Variants in DNAH5 observed in about 807,000 individuals in gnomAD.
DNAH5 encodes axonemal beta dynein heavy chain 5.
In DNAH5, 372 loss-of-function variants were observed where a neutral mutation model predicts 518.2. The ratio of observed to expected loss-of-function variants is 0.72; its 90% CI spans 0.66 to 0.78. DNAH5 has a LOEUF of 0.78. Ranked by LOEUF, DNAH5 falls within the 30% of genes least tolerant of loss-of-function variation. DNAH5 has a pLI of 0.00. For synonymous variants in DNAH5, 2,039 were observed against 2,025.9 expected, an observed-to-expected ratio of 1.01 and a Z score of -0.17; for missense variants, 5,523 against 5,687.0, an observed-to-expected ratio of 0.97 and a Z score of 0.93.
chr5:13,742,050 G>A (rs1748631863), intron 65 of DNAH5, among the ~76,000 whole-genome samples: 4 of 152,076 alleles, frequency 2.6e-5, no homozygotes, highest in Admixed American at 1.3e-4. Flanking sequence ...GCATGATAAT[G>A]CTTATTGTAA....
At chr5:13,905,383 C>T (rs1775162615) in intron 12 of DNAH5, among the ~76,000 whole-genome samples, 1 of 152,232 alleles carries the variant, frequency 6.6e-6, no homozygotes, top group South Asian at 2.1e-4. Flanking sequence ...CTCAAGCTCT[C>T]TTGCTCTTCA....
At chr5:13,925,815 A>G (rs1394041818) in intron 3 of DNAH5, among the ~76,000 whole-genome samples, 1 of 152,166 alleles carries the variant, frequency 6.6e-6, no homozygotes, top group Non-Finnish European at 1.5e-5. Context: ...GTGAGGTTAT[A>G]AAGTGTTCCT....
At chr5:13,774,289 G>A (rs969657724) in intron 55 of DNAH5, among the ~76,000 whole-genome samples, 13 of 152,082 alleles carry the variant, frequency 8.5e-5, no homozygotes, top group African/African-American at 3.1e-4. Flanking sequence ...GAGAAAAGGG[G>A]AGGTGTTGAT....
At chr5:13,800,423 G>T (rs892896471) in intron 47 of DNAH5, among the ~76,000 whole-genome samples, 1 of 152,106 alleles carries the variant, frequency 6.6e-6, no homozygotes, top group Non-Finnish European at 1.5e-5. Context: ...GCACCCCTTT[G>T]GGGTGCTCAA....
intron 1 of DNAH5, among the ~76,000 whole-genome samples, chr5:13,938,645 G>A (rs1278224112): frequency 6.6e-6 from 1 of 152,026 alleles, no homozygotes; most frequent in Non-Finnish European, 1.5e-5. Flanking sequence ...CTGGCATTCA[G>A]TGGGGGTCTT....
intron 47 of DNAH5, among the ~76,000 whole-genome samples, chr5:13,805,994 T>G (rs1267647750): frequency 6.6e-6 from 1 of 151,964 alleles, no homozygotes; most frequent in Non-Finnish European, 1.5e-5. Context: ...GCCTAAAGAG[T>G]TCATACAGTC....
At chr5:13,912,719 C>T (rs996919657) in intron 11 of DNAH5, among the ~76,000 whole-genome samples, 4 of 151,356 alleles carry the variant, frequency 2.6e-5, no homozygotes, top group African/African-American at 9.7e-5. Flanking sequence ...AAAGCTACTA[C>T]ATTTTGATGT....
chr5:13,724,906 C>A (rs1036909658), intron 70 of DNAH5, among the ~76,000 whole-genome samples: 3 of 152,220 alleles, frequency 2.0e-5, no homozygotes, highest in Non-Finnish European at 4.4e-5. Flanking sequence ...ACCTGCAGAA[C>A]CATGAGCCAA....
Position 13,756,460 on chromosome 5 carries a change from A to C in DNAH5, c.10420-2122T>G, listed in dbSNP as rs537774850. On this transcript the variant is annotated intron_variant, in intron 61 of 78. Transcript: ENST00000265104. ...ACCTAACAAATAGCAGATGCTCAAAAACAATAAAGCTTGCTGAATGAGTTA... is the reference window on the plus strand; with the variant it reads ...ACCTAACAAATAGCAGATGCTCAAACACAATAAAGCTTGCTGAATGAGTTA... Among the ~76,000 whole-genome samples the C allele has an allele frequency of 2.2e-4, 33 of 152,328 alleles. No homozygotes were observed. The South Asian group carries it at 6.8e-3, about 32-fold the overall frequency.
At position 13,751,183 on chromosome 5, in the gene DNAH5, G is replaced by A. The variant is rs1750160751; in HGVS notation, c.11106C>T (p.Ala3702=). ...LYITTKLPNP[A]YTPEISARTS... ...TACGGGCACTTATCTCAGGGGTGTA[G>A]GCTGGGTTAGGCAATTTGGTGGTAA... The change falls in exon 65 of 79, where the codon GCC becomes GCT. Residue 3702 remains alanine (A), a synonymous_variant. Coordinates refer to ENST00000265104, the MANE Select transcript of DNAH5 (RefSeq NM_001369.3). 6.2e-7 allele frequency: 1 copy of A among 1,613,842 alleles called. No homozygotes were observed. The highest frequency in any genetic ancestry group is 1.7e-5 in the Admixed American group (1 of 59,974).
At chr5:13,762,938 T>A in intron 59 of DNAH5, 37 bp from the exon 60 acceptor site, 1 of 1,559,620 alleles carries the variant, frequency 6.4e-7, no homozygotes, top group East Asian at 2.2e-5. Context: ...TCGAAACACT[T>A]CTTTCCATAA....
chr5:13,742,198 A>G (rs1446365324), intron 65 of DNAH5, among the ~76,000 whole-genome samples: 1 of 152,186 alleles, frequency 6.6e-6, no homozygotes, highest in Non-Finnish European at 1.5e-5. Flanking sequence ...TAGAATGATA[A>G]GGACAAATAC....
Position 13,794,011 on chromosome 5 carries a change from G to A in DNAH5, c.7935C>T (p.Gly2645=), listed in dbSNP as rs780409299. The change falls in exon 48 of 79, where the codon GGC becomes GGT. Residue 2645 remains glycine (G), a synonymous_variant. Coordinates refer to ENST00000265104, the MANE Select transcript of DNAH5 (RefSeq NM_001369.3). ...YVDKRMGTTY[G]PPAGKKMTVF... is the part of the protein sequence containing the mutation. Reference sequence around the variant, plus strand: ...CAGTCATCTTCTTTCCCGCAGGAGGGCCATATGTTGTACCCATTCGTTTAT... The same window carrying A: ...CAGTCATCTTCTTTCCCGCAGGAGGACCATATGTTGTACCCATTCGTTTAT... The A allele has an allele frequency of 4.3e-6, 7 of 1,613,814 alleles. No individual in the cohort carries two copies. The Admixed American group carries it at 1.2e-4, about 27-fold the overall frequency.
At chr5:13,885,466 C>T (rs972431283) in intron 18 of DNAH5, among the ~76,000 whole-genome samples, 1 of 152,152 alleles carries the variant, frequency 6.6e-6, no homozygotes, top group Non-Finnish European at 1.5e-5. Flanking sequence ...AGAAAACAGC[C>T]AACAAGAGAG....
rs146073340 is a variant in DNAH5 at position 13,783,376 on chromosome 5, T to A, written c.8821-2417A>T. Among the ~76,000 whole-genome samples, 335 of 152,242 alleles carry A rather than the reference T, an allele frequency of 2.2e-3. 1 individual carries two copies. Among genetic ancestry groups the A allele is most frequent in the African/African-American group, 7.7e-3 (322 of 41,558 alleles). On this transcript the variant is annotated intron_variant, in intron 52 of 78. Coordinates refer to ENST00000265104, the MANE Select transcript of DNAH5 (RefSeq NM_001369.3). Reference sequence around the variant, plus strand: ...TGTGGTTCTCAGCAGTGGTCCATCCTGTCAAGACTGAGGTCACTAAGACGG... The same window carrying A: ...TGTGGTTCTCAGCAGTGGTCCATCCAGTCAAGACTGAGGTCACTAAGACGG...
chr5:13,919,689 G>T (rs1185962027), intron 6 of DNAH5, among the ~76,000 whole-genome samples: 2 of 152,050 alleles, frequency 1.3e-5, no homozygotes, highest in African/African-American at 4.8e-5. Flanking sequence ...GTGAGTATTT[G>T]TTATATATGT....
intron 75 of DNAH5, among the ~76,000 whole-genome samples, chr5:13,713,734 G>T (rs903763640): frequency 1.5e-4 from 23 of 151,580 alleles, no homozygotes; most frequent in Non-Finnish European, 1.5e-5. Flanking sequence ...CAAATATGGT[G>T]CATCGCATAC....
At chr5:13,917,335 C>T (rs1776753746) in intron 7 of DNAH5, 79 bp from the exon 8 acceptor site, 1 of 1,037,346 alleles carries the variant, frequency 9.6e-7, no homozygotes, top group South Asian at 1.3e-5. Flanking sequence ...TAAGAGTCAC[C>T]ACAAGTCCAT....
At chr5:13,969,253 C>T (rs1320486130) in intron 1 of DNAH5, among the ~76,000 whole-genome samples, 1 of 152,044 alleles carries the variant, frequency 6.6e-6, no homozygotes, top group East Asian at 1.9e-4. Flanking sequence ...TTTTGTTTAT[C>T]TTTTCAAAGA....
Sources: allele counts gnomAD v4.1 joint callset (sites outside exome capture counted in the v4.1 genomes callset), GRCh38; gene constraint gnomAD v4.1.1; transcripts MANE v1.5; gene names NCBI Gene and HGNC (gene_info 2026-07-23, HGNC 2026-07-21).